AUTS2: variants seen among roughly 807,000 people sequenced by gnomAD.
AUTS2 encodes activator of transcription and developmental regulator AUTS2.
AUTS2 carries 17 observed loss-of-function variants against 112.4 expected under a neutral mutation model. That is an observed-to-expected ratio of 0.15 (90% CI 0.10 to 0.23). AUTS2 has a LOEUF of 0.23. Ranked by LOEUF, AUTS2 falls within the 10% of genes least tolerant of loss-of-function variation. The probability of loss-of-function intolerance (pLI) is 1.00; values close to 1 mark genes in which losing one functional copy is unlikely to be tolerated. For synonymous variants in AUTS2, 751 were observed against 702.7 expected (o/e 1.07, Z -1.09); for missense variants, 1,510 against 1,701.6 (o/e 0.89, Z 1.98).
rs533052138 is a variant in AUTS2 at position 70,495,623 on chromosome 7, C to T, written c.690+59842C>T. On this transcript the variant is annotated intron_variant, in intron 5 of 18. Transcript: ENST00000342771. Reference sequence around the variant, plus strand: ...CACACACACCACGTACACAGTCGCACACACACACCCCACACATGCACACGT... The same window carrying T: ...CACACACACCACGTACACAGTCGCATACACACACCCCACACATGCACACGT... 4.6e-3 allele frequency among the ~76,000 whole-genome samples: 695 copies of T among 150,178 alleles called. 4 individuals are homozygous for T. The highest frequency in any genetic ancestry group is 0.016 in the African/African-American group (663 of 40,458).
At chr7:69,612,801 T>G (rs943925779) in intron 1 of AUTS2, among the ~76,000 whole-genome samples, 2 of 152,198 alleles carry the variant, frequency 1.3e-5, no homozygotes, top group East Asian at 3.9e-4. Context: ...TCTGCCTAAA[T>G]GTAACCCCTG....
chr7:70,574,389 G>A (rs144771095), intron 5 of AUTS2, among the ~76,000 whole-genome samples: 74 of 152,248 alleles, frequency 4.9e-4, no homozygotes, highest in African/African-American at 1.3e-3. Flanking sequence ...GTTTCTACCC[G>A]TATGTCTTTT....
intron 1 of AUTS2, among the ~76,000 whole-genome samples, chr7:69,619,963 T>C (rs760051893): frequency 1.5e-4 from 23 of 152,306 alleles, no homozygotes; most frequent in East Asian, 1.9e-4. Context: ...TTTTGCCTAA[T>C]TTGGCTTAAA....
intron 4 of AUTS2, among the ~76,000 whole-genome samples, chr7:70,387,143 C>T (rs1401288258): frequency 1.3e-5 from 2 of 152,188 alleles, no homozygotes; most frequent in Non-Finnish European, 1.5e-5. Flanking sequence ...TTTTCTCATT[C>T]TCTTCACTGC....
intron 2 of AUTS2, among the ~76,000 whole-genome samples, chr7:69,960,889 T>C (rs1797403599): frequency 6.6e-6 from 1 of 152,134 alleles, no homozygotes; most frequent in Non-Finnish European, 1.5e-5. Context: ...CTGTGTGTGG[T>C]ATATTGATTT....
chr7:70,137,694 A>G (rs1410062180), intron 4 of AUTS2, among the ~76,000 whole-genome samples: 1 of 152,124 alleles, frequency 6.6e-6, no homozygotes, highest in Non-Finnish European at 1.5e-5. Flanking sequence ...AGTGTTGCAA[A>G]TATTAAATGA....
At chr7:70,021,924 A>ATGACATTTAATCTGCATCC (rs1800294176) in intron 2 of AUTS2, among the ~76,000 whole-genome samples, 1 of 151,994 alleles carries the variant, frequency 6.6e-6, no homozygotes, top group Non-Finnish European at 1.5e-5. Context: ...ATTGCCTTTA[A>ATGACATTTAATCTGCATCC]TGACATTTAA....
rs1458184493 is a variant in AUTS2, at chr7:69,599,872, G to C, written c.219G>C (p.Pro73=). The C allele has an allele frequency of 1.9e-6, 3 of 1,611,726 alleles. No homozygotes were observed. The African/African-American group carries it at 4.0e-5, about 22-fold the overall frequency. ...CCGCCCCGTCCCGGCCCAGACCCCCGCGGAGGAAGCGGAGAGAGTCCACCT... is the reference window on the plus strand; with the variant it reads ...CCGCCCCGTCCCGGCCCAGACCCCCCCGGAGGAAGCGGAGAGAGTCCACCT... ...PSSAPSRPRP[P]RRKRRESTSA... The change falls in exon 1 of 19, where the codon CCG becomes CCC. Residue 73 remains proline, a synonymous_variant. Transcript: ENST00000342771. This position sits in a 1 kb window ranked among gnomAD's most constrained non-coding sequence, Gnocchi z 7.0.
chr7:70,004,627 A>G (rs1393327484), intron 2 of AUTS2, among the ~76,000 whole-genome samples: 1 of 151,080 alleles, frequency 6.6e-6, no homozygotes, highest in Non-Finnish European at 1.5e-5. Flanking sequence ...AGAACTGGGA[A>G]TGAGAATCAT....
In AUTS2 at chr7:70,175,226, G is replaced by A. The variant is rs183984779; in HGVS notation, c.660+40655G>A. 5.2e-4 allele frequency among the ~76,000 whole-genome samples: 79 copies of A among 152,318 alleles called. 2 individuals carry two copies. The East Asian group carries it at 0.015, about 29-fold the overall frequency. ...TGCTGCAGATGCATGGAAATATCAA[G>A]AGAACTAGCATTAGAATTGGGGCCT... On this transcript the variant is annotated intron_variant, in intron 4 of 18. Transcript: ENST00000342771.
At chr7:69,748,248 G>A (rs57622918) in intron 1 of AUTS2, among the ~76,000 whole-genome samples, 114 of 152,230 alleles carry the variant, frequency 7.5e-4, no homozygotes, top group African/African-American at 2.7e-3. Context: ...CCTAGATAAG[G>A]CATCTGTACA....
chr7:70,717,724 G>A lies in AUTS2; in HGVS notation c.742+19104G>A, dbSNP rs936499431. On this transcript the variant is annotated intron_variant, in intron 6 of 18. Transcript: ENST00000342771. ...AGCCCTCGCCAGCCTCTTCTTGTCC[G>A]TTGCTGATCTTTGGCTCTGGGTGCC... 6.6e-5 allele frequency among the ~76,000 whole-genome samples: 10 copies of A among 152,294 alleles called. No individual in the cohort carries two copies. In the South Asian group the frequency reaches 8.3e-4, roughly 13 times the overall value.
chr7:69,734,891 C>A (rs534513940), intron 1 of AUTS2, among the ~76,000 whole-genome samples: 1 of 152,102 alleles, frequency 6.6e-6, no homozygotes, highest in Non-Finnish European at 1.5e-5. Flanking sequence ...CCATCCACCC[C>A]CTGCCCCATT....
intron 5 of AUTS2, among the ~76,000 whole-genome samples, chr7:70,617,990 A>C (rs1804469011): frequency 6.6e-6 from 1 of 152,218 alleles, no homozygotes; most frequent in Admixed American, 6.5e-5. Flanking sequence ...TTAACAACTT[A>C]ACTTGGAGAA....
At chr7:70,702,048 A>C (rs1809487740) in intron 6 of AUTS2, among the ~76,000 whole-genome samples, 1 of 152,262 alleles carries the variant, frequency 6.6e-6, no homozygotes, top group South Asian at 2.1e-4. Flanking sequence ...TGCCTACTGT[A>C]GATCCTTGCT....
chr7:70,609,955 GTTT>G (rs199603230), intron 5 of AUTS2, among the ~76,000 whole-genome samples: 7,953 of 101,624 alleles, frequency 0.078, 291 homozygotes, highest in Non-Finnish European at 0.074. Context: ...TGGAAGTTCT[GTTT>G]TTTGTTGTTG....
At chr7:70,782,111 T>C (rs1791129974) in intron 15 of AUTS2, 1 of 248,492 alleles carries the variant, frequency 4.0e-6, no homozygotes, top group Admixed American at 5.4e-5. Context: ...CCAGGAATTA[T>C]AGAAGGATGC....
At chr7:70,581,318 G>A (rs190320505) in intron 5 of AUTS2, among the ~76,000 whole-genome samples, 236 of 152,216 alleles carry the variant, frequency 1.6e-3, no homozygotes, top group Admixed American at 0.011. Context: ...ACTGGGAGGC[G>A]GAGGTTGTGG....
chr7:70,127,229 G>A (rs1182376122), intron 3 of AUTS2, among the ~76,000 whole-genome samples: 1 of 152,094 alleles, frequency 6.6e-6, no homozygotes, highest in Non-Finnish European at 1.5e-5. Flanking sequence ...GACCTCCTGG[G>A]TTCAAACTTT....
Sources: gnomAD v4.1 joint callset for allele counts (sites outside exome capture counted in the v4.1 genomes callset) on GRCh38, gnomAD v4.1.1 for gene constraint, Gnocchi (gnomAD v3.1) non-coding constraint, MANE v1.5 for transcripts, NCBI Gene and HGNC (gene_info 2026-07-23, HGNC 2026-07-21) for gene names.